The following SPAG16 variants were observed in gnomAD, a reference collection of about 807,000 sequenced individuals.
SPAG16 encodes the protein sperm associated antigen 16, also known as sperm-associated antigen 16 protein.
Under a neutral mutation model 80.4 loss-of-function variants are expected in SPAG16, and 86 were observed. The observed-to-expected ratio is 1.07, with a 90% CI of 0.90 to 1.28. The LOEUF (loss-of-function observed/expected upper bound fraction) is 1.28, where lower values mean the gene tolerates loss of function less well. Ranked by LOEUF, SPAG16 falls within the 50% of genes most tolerant of loss-of-function variation. The pLI is 0.00. For missense variants in SPAG16, 870 were observed against 765.3 expected (o/e 1.14, Z -1.61); for synonymous variants, 294 against 265.9 (o/e 1.11, Z -1.03).
chr2:213,620,343 A>G (rs1027344478), intron 10 of SPAG16, among the ~76,000 whole-genome samples: 1 of 116,254 alleles, frequency 8.6e-6, no homozygotes, highest in Non-Finnish European at 1.6e-5. Context: ...CCCAGGCTGG[A>G]GTGCAGTGGC....
chr2:214,012,288 A>ATATATATTTTTTT (rs1553694500), intron 12 of SPAG16, among the ~76,000 whole-genome samples: 1 of 46,818 alleles, frequency 2.1e-5, no homozygotes, highest in African/African-American at 1.2e-4. Flanking sequence ...ATATATATAT[A>ATATATATTTTTTT]TTTTTTTTTT....
At chr2:214,052,892 G>A (rs995027046) in intron 13 of SPAG16, among the ~76,000 whole-genome samples, 1 of 152,188 alleles carries the variant, frequency 6.6e-6, no homozygotes, top group African/African-American at 2.4e-5. Flanking sequence ...TAGCAATGTG[G>A]TTGAGGTGCG....
chr2:214,388,148 A>T (rs1004337782), intron 15 of SPAG16, among the ~76,000 whole-genome samples: 4 of 152,168 alleles, frequency 2.6e-5, no homozygotes, highest in African/African-American at 9.6e-5. Context: ...CATATTCCAG[A>T]TCTACTGACC....
chr2:214,161,603 T>C (rs966984813), intron 15 of SPAG16, among the ~76,000 whole-genome samples: 1 of 152,082 alleles, frequency 6.6e-6, no homozygotes, highest in East Asian at 1.9e-4. Context: ...ACTGTCTTTT[T>C]TGGGAAGTGT....
At position 213,964,594 on chromosome 2, in the gene SPAG16, T is replaced by C. The variant is rs747102167; in HGVS notation, c.1400+34449T>C. On this transcript the variant is annotated intron_variant, in intron 12 of 15. Coordinates refer to ENST00000331683, the MANE Select transcript of SPAG16 (RefSeq NM_024532.5). ...ATTGTTTCAGATAAGAGGTCAGCTG[T>C]TAATCTTTTGGGATCCCCTGTACAT... Among the ~76,000 whole-genome samples the C allele has an allele frequency of 1.1e-3, 165 of 152,252 alleles. 3 individuals carry two copies. Among genetic ancestry groups the C allele is most frequent in the Admixed American group, 7.8e-4 (12 of 15,296 alleles).
intron 5 of SPAG16, among the ~76,000 whole-genome samples, chr2:213,324,393 A>G (rs1281396383): frequency 6.6e-6 from 1 of 152,168 alleles, no homozygotes; most frequent in African/African-American, 2.4e-5. Context: ...GAACATTTTT[A>G]TCTATCCAGA....
intron 13 of SPAG16, among the ~76,000 whole-genome samples, chr2:214,084,038 A>G (rs149085790): frequency 1.3e-5 from 2 of 152,128 alleles, no homozygotes; most frequent in African/African-American, 4.8e-5. Context: ...CAGCTCATAC[A>G]GTTTTGAGAA....
At chr2:213,534,163 T>G (rs1056074664) in intron 10 of SPAG16, among the ~76,000 whole-genome samples, 2 of 152,170 alleles carry the variant, frequency 1.3e-5, no homozygotes, top group African/African-American at 4.8e-5. Flanking sequence ...GTTTTCTTAT[T>G]GATTTATAAG....
intron 10 of SPAG16, among the ~76,000 whole-genome samples, chr2:213,491,394 C>T (rs114842477): frequency 0.015 from 2,325 of 152,284 alleles, 26 homozygotes; most frequent in Middle Eastern, 0.037. Context: ...CAGATGATCT[C>T]CCCACCTTTT....
At chr2:213,411,096 C>T (rs1371125589) in intron 9 of SPAG16, among the ~76,000 whole-genome samples, 1 of 152,094 alleles carries the variant, frequency 6.6e-6, no homozygotes, top group African/African-American at 2.4e-5. Context: ...TTGTGGTGGA[C>T]CTTTACTGGA....
chr2:213,720,717 G>A (rs557611236), intron 10 of SPAG16, among the ~76,000 whole-genome samples: 1 of 149,996 alleles, frequency 6.7e-6, no homozygotes, highest in South Asian at 2.1e-4. Flanking sequence ...ACATCATGTA[G>A]CCAAGTGCCT....
intron 5 of SPAG16, among the ~76,000 whole-genome samples, chr2:213,326,067 T>G (rs2126165832): frequency 6.6e-6 from 1 of 152,134 alleles, no homozygotes; most frequent in East Asian, 1.9e-4. Flanking sequence ...ATTGTCTTCC[T>G]TTGCCAGGCT....
At chr2:214,289,265 G>C (rs749816509) in intron 15 of SPAG16, among the ~76,000 whole-genome samples, 4 of 152,050 alleles carry the variant, frequency 2.6e-5, no homozygotes, top group African/African-American at 9.7e-5. Flanking sequence ...GTCTATTTTT[G>C]TTATAGTTCT....
intron 10 of SPAG16, among the ~76,000 whole-genome samples, chr2:213,502,786 CT>C (rs1484553571): frequency 5.9e-5 from 9 of 152,232 alleles, no homozygotes; most frequent in Non-Finnish European, 1.5e-5. Flanking sequence ...ACTTTCCCAT[CT>C]GAATATCTGA....
At chr2:213,701,751 C>T (rs2065433596) in intron 10 of SPAG16, among the ~76,000 whole-genome samples, 1 of 152,176 alleles carries the variant, frequency 6.6e-6, no homozygotes, top group South Asian at 2.1e-4. Flanking sequence ...ATGCACCAAT[C>T]AGCACTCTAT....
intron 10 of SPAG16, among the ~76,000 whole-genome samples, chr2:213,759,840 TC>T (rs1354488120): frequency 2.0e-5 from 3 of 151,826 alleles, no homozygotes; most frequent in Admixed American, 1.3e-4. Flanking sequence ...ATCGAAACCA[TC>T]CTGGCCAACA....
chr2:213,328,258 A>G (rs1044078947), intron 5 of SPAG16, among the ~76,000 whole-genome samples: 4 of 152,116 alleles, frequency 2.6e-5, no homozygotes, highest in Admixed American at 2.0e-4. Flanking sequence ...CCCGCTCAGG[A>G]TATTCTGTAC....
chr2:214,143,474 C>T (rs1429780412), intron 14 of SPAG16, among the ~76,000 whole-genome samples: 1 of 151,950 alleles, frequency 6.6e-6, no homozygotes, highest in East Asian at 1.9e-4. Context: ...TTTGACTCAT[C>T]ATATAGTTGT....
chr2:214,340,902 T>C (rs533605970), intron 15 of SPAG16, among the ~76,000 whole-genome samples: 5 of 152,292 alleles, frequency 3.3e-5, no homozygotes, highest in African/African-American at 1.2e-4. Flanking sequence ...AGGAGTCACC[T>C]TTCTCCATAT....
Sources: gnomAD v4.1 joint callset for allele counts (sites outside exome capture counted in the v4.1 genomes callset) on GRCh38, gnomAD v4.1.1 for gene constraint, MANE v1.5 for transcripts, NCBI Gene and HGNC (gene_info 2026-07-23, HGNC 2026-07-21) for gene names.